Variants in OSBPL6 observed in about 807,000 individuals in gnomAD.
OSBPL6 encodes oxysterol binding protein like 6, also known as oxysterol-binding protein-related protein 6.
OSBPL6 carries 49 observed loss-of-function variants against 125.8 expected under a neutral mutation model. That is an observed-to-expected ratio of 0.39 (90% confidence interval 0.31 to 0.49). The LOEUF is 0.49. Ranked by LOEUF, OSBPL6 falls within the 20% of genes least tolerant of loss-of-function variation. The probability of loss-of-function intolerance (pLI) is 0.88; values close to 1 mark genes in which losing one functional copy is unlikely to be tolerated. For missense variants in OSBPL6, 986 were observed against 1,135.4 expected (o/e 0.87, Z 1.89); for synonymous variants, 394 against 391.8 (o/e 1.01, Z -0.07).
chr2:178,207,678 A>G (rs562905596), intron 1 of OSBPL6, among the ~76,000 whole-genome samples: 4 of 152,148 alleles, frequency 2.6e-5, no homozygotes, highest in Non-Finnish European at 5.9e-5. Flanking sequence ...GAAGTCACCT[A>G]TGAGAACCTC....
At chr2:178,239,367 C>G (rs967894127) in intron 1 of OSBPL6, among the ~76,000 whole-genome samples, 8 of 152,012 alleles carry the variant, frequency 5.3e-5, no homozygotes, top group African/African-American at 1.9e-4. Context: ...AAGACCAAGC[C>G]TGGGCAATAT....
chr2:178,395,329 A>G (rs945567315), intron 24 of OSBPL6, 122 bp from the exon 25 acceptor site: 3 of 609,866 alleles, frequency 4.9e-6, no homozygotes, highest in South Asian at 2.3e-5. Context: ...TAGCTAGCAG[A>G]TAAGATACTA....
chr2:178,298,486 C>T (rs186215815), intron 2 of OSBPL6, among the ~76,000 whole-genome samples: 19 of 152,242 alleles, frequency 1.2e-4, no homozygotes, highest in Non-Finnish European at 2.2e-4. Flanking sequence ...TGCAGTGGCA[C>T]GAGCTCAGCT....
intron 12 of OSBPL6, among the ~76,000 whole-genome samples, chr2:178,350,625 G>A (rs182128476): frequency 7.2e-4 from 109 of 152,206 alleles, no homozygotes; most frequent in South Asian, 2.1e-3. Flanking sequence ...CTTCTGTAAG[G>A]CCAGCTCTCT....
chr2:178,395,850 A>G lies in OSBPL6; in HGVS notation c.*291A>G. ...ATAAAAGGAGCAGAATATAAAATCC[A>G]AAGTCTGACCAGTTTGTAAAGAAAA... On this transcript the variant is annotated 3_prime_UTR_variant, in exon 25 of 25. Transcript: ENST00000190611. The G allele has an allele frequency of 2.3e-6, 1 of 438,766 alleles. No individual in the cohort carries two copies. Among genetic ancestry groups the G allele is most frequent in the Non-Finnish European group, 4.3e-6 (1 of 230,916 alleles). 27.2% of individuals were successfully genotyped at this position (438,766 alleles called of 1,614,324 possible). A position where few individuals can be genotyped will look rare whatever the true frequency, so the allele number is the denominator to read the frequency against.
intron 1 of OSBPL6, among the ~76,000 whole-genome samples, chr2:178,241,101 A>G (rs978464023): frequency 2.6e-5 from 4 of 152,052 alleles, no homozygotes; most frequent in African/African-American, 9.7e-5. Context: ...TCTTAAGTGT[A>G]CTAATGCCAC....
At chr2:178,322,333 G>A (rs1688315912) in intron 3 of OSBPL6, among the ~76,000 whole-genome samples, 1 of 152,134 alleles carries the variant, frequency 6.6e-6, no homozygotes, top group Admixed American at 6.5e-5. Flanking sequence ...TTAAAGAGAA[G>A]CTCAGATCAG....
intron 22 of OSBPL6, 64 bp downstream of exon 22, chr2:178,391,281 A>C: frequency 6.8e-7 from 1 of 1,468,360 alleles, no homozygotes; most frequent in South Asian, 1.5e-5. Flanking sequence ...GGAAGAGAAC[A>C]TCAGGTCATC....
chr2:178,329,338 A>G (rs1285354169), intron 5 of OSBPL6, among the ~76,000 whole-genome samples: 1 of 152,188 alleles, frequency 6.6e-6, no homozygotes, highest in Non-Finnish European at 1.5e-5. Flanking sequence ...TTACCCAAAT[A>G]GCAAGGATTC....
At chr2:178,373,708 G>T (rs1693616556) in intron 14 of OSBPL6, among the ~76,000 whole-genome samples, 182 bp from the exon 15 acceptor site, 1 of 152,056 alleles carries the variant, frequency 6.6e-6, no homozygotes, top group Non-Finnish European at 1.5e-5. Context: ...TTCCTTTTGG[G>T]GTCTTTAGAC....
intron 1 of OSBPL6, among the ~76,000 whole-genome samples, chr2:178,247,484 T>C (rs1415607705): frequency 6.6e-6 from 1 of 152,184 alleles, no homozygotes; most frequent in Non-Finnish European, 1.5e-5. Context: ...CTCTTCTTGG[T>C]TTAGGAGCTC....
intron 1 of OSBPL6, among the ~76,000 whole-genome samples, chr2:178,267,140 G>A (rs1016580402): frequency 6.6e-6 from 1 of 152,022 alleles, no homozygotes; most frequent in Non-Finnish European, 1.5e-5. Flanking sequence ...GGTCACCTGG[G>A]GTCAGGAGTT....
At chr2:178,343,399 A>T (rs1690400199) in intron 11 of OSBPL6, among the ~76,000 whole-genome samples, 1 of 152,110 alleles carries the variant, frequency 6.6e-6, no homozygotes, top group South Asian at 2.1e-4. Flanking sequence ...AAAAGAAAAA[A>T]AAAAGTATTG....
rs1684562684 is a variant in OSBPL6 at position 178,284,945 on chromosome 2, A to C, written c.-332A>C. The C allele has an allele frequency of 2.5e-6, 1 of 398,258 alleles. No homozygotes were observed. The highest frequency in any genetic ancestry group is 2.1e-5 in the African/African-American group (1 of 48,728). The allele number at this position is 398,258 out of a possible 1,614,324, so 24.7% of individuals were successfully genotyped here. ...TTTTCAGGTTCTGCCACTTGCTGGGAAAACAGCAACAGAAGGATATTAAGG... is the reference window on the plus strand; with the variant it reads ...TTTTCAGGTTCTGCCACTTGCTGGGCAAACAGCAACAGAAGGATATTAAGG... On this transcript the variant is annotated 5_prime_UTR_variant, in exon 2 of 25. Coordinates refer to ENST00000190611, the MANE Select transcript of OSBPL6 (RefSeq NM_032523.4).
At chr2:178,197,029 C>T (rs1462659778) in intron 1 of OSBPL6, among the ~76,000 whole-genome samples, 1 of 127,428 alleles carries the variant, frequency 7.8e-6, no homozygotes, top group Non-Finnish European at 1.6e-5. Context: ...TCCTCTCTGA[C>T]CATTTTTTTT....
intron 1 of OSBPL6, among the ~76,000 whole-genome samples, chr2:178,256,160 T>G (rs551905802): frequency 3.7e-4 from 57 of 152,136 alleles, no homozygotes; most frequent in Non-Finnish European, 6.6e-4. Flanking sequence ...CTGTGATGAA[T>G]TAGAACAAAA....
At chr2:178,206,464 A>G (rs1157226338) in intron 1 of OSBPL6, among the ~76,000 whole-genome samples, 1 of 152,228 alleles carries the variant, frequency 6.6e-6, no homozygotes, top group East Asian at 1.9e-4. Context: ...ATTTAGTGAT[A>G]TCATTATCCA....
chr2:178,199,058 T>C (rs1056072763), intron 1 of OSBPL6, among the ~76,000 whole-genome samples: 1 of 152,236 alleles, frequency 6.6e-6, no homozygotes, highest in African/African-American at 2.4e-5. Flanking sequence ...GGAAATTAAA[T>C]GCATCATATA....
At chr2:178,231,577 T>G (rs1247531175) in intron 1 of OSBPL6, among the ~76,000 whole-genome samples, 1 of 151,896 alleles carries the variant, frequency 6.6e-6, no homozygotes, top group Non-Finnish European at 1.5e-5. Context: ...AATTTCTTCT[T>G]AACTTCTATA....
Sources: gnomAD v4.1 joint callset for allele counts (sites outside exome capture counted in the v4.1 genomes callset) on GRCh38, gnomAD v4.1.1 for gene constraint, MANE v1.5 for transcripts, NCBI Gene and HGNC (gene_info 2026-07-23, HGNC 2026-07-21) for gene names.